The following PDE7A variants were observed in gnomAD, a reference collection of about 807,000 sequenced individuals.
The protein encoded by PDE7A is high affinity 3',5'-cyclic-AMP phosphodiesterase 7A.
In PDE7A, 39 loss-of-function variants were observed where a neutral mutation model predicts 64.3. The observed-to-expected ratio is 0.61, with a 90% CI of 0.47 to 0.79. The LOEUF (loss-of-function observed/expected upper bound fraction) is 0.79. Ranked by LOEUF, PDE7A falls within the 30% of genes least tolerant of loss-of-function variation. The pLI is 0.00. For missense variants in PDE7A, 470 were observed against 582.8 expected (o/e 0.81, Z 1.99); for synonymous variants, 203 against 206.8 (o/e 0.98, Z 0.16).
rs1806125217 is a variant in PDE7A at position 65,716,033 on chromosome 8, G to T, written c.*3257C>A. Reference sequence around the variant, plus strand: ...AAAAAAAAAAAAAAAAAATTAGCTGGGTGGTGTGGTGGCACTCAGGAGGCT... The same window carrying T: ...AAAAAAAAAAAAAAAAAATTAGCTGTGTGGTGTGGTGGCACTCAGGAGGCT... On this transcript the variant is annotated 3_prime_UTR_variant, in exon 13 of 13. Transcript: ENST00000401827. Among the ~76,000 whole-genome samples, 1 of 146,082 alleles carries T rather than the reference G, an allele frequency of 6.8e-6. No homozygotes were observed. Among genetic ancestry groups the T allele is most frequent in the African/African-American group, 2.5e-5 (1 of 40,098 alleles).
At chr8:65,819,941 T>C (rs555881789) in intron 1 of PDE7A, among the ~76,000 whole-genome samples, 127 of 152,154 alleles carry the variant, frequency 8.3e-4, no homozygotes, top group African/African-American at 3.0e-3. Flanking sequence ...TTCCTCCTTC[T>C]CCTCCCCACA....
chr8:65,756,161 A>G (rs1390101205), intron 3 of PDE7A, among the ~76,000 whole-genome samples: 1 of 152,196 alleles, frequency 6.6e-6, no homozygotes, highest in African/African-American at 2.4e-5. Context: ...CTTGTACAAG[A>G]CAAGTTGCTT....
At chr8:65,829,612 C>G (rs1208733261) in intron 1 of PDE7A, among the ~76,000 whole-genome samples, 1 of 152,048 alleles carries the variant, frequency 6.6e-6, no homozygotes, top group Non-Finnish European at 1.5e-5. Flanking sequence ...AAATTTAAAG[C>G]CGTAACTTCT....
At chr8:65,800,057 C>T (rs1235098758) in intron 1 of PDE7A, among the ~76,000 whole-genome samples, 2 of 151,976 alleles carry the variant, frequency 1.3e-5, no homozygotes, top group African/African-American at 4.8e-5. Flanking sequence ...TAGCCTAAAA[C>T]AACAGCCAAA....
At position 65,739,298 on chromosome 8, in the gene PDE7A, A is replaced by C. The variant is rs72666541; in HGVS notation, c.595+204T>G. On this transcript the variant is annotated intron_variant, in intron 6 of 12. Coordinates refer to ENST00000401827, the MANE Select transcript of PDE7A (RefSeq NM_001242318.3). ...CACCTGTTGCTGTCTGCAGGTGCAC[A>C]AATGAGCTCACCCAGACCAGACCAA... 8.2e-4 allele frequency among the ~76,000 whole-genome samples: 125 copies of C among 152,344 alleles called. No individual in the cohort carries two copies. The Middle Eastern group carries it at 0.01, about 12-fold the overall frequency.
At chr8:65,812,986 T>A (rs1290072875) in intron 1 of PDE7A, among the ~76,000 whole-genome samples, 2 of 152,094 alleles carry the variant, frequency 1.3e-5, no homozygotes, top group African/African-American at 4.8e-5. Flanking sequence ...ACCCTCATTA[T>A]CTGGACTGTC....
At chr8:65,744,199 T>C (rs573651409) in intron 5 of PDE7A, among the ~76,000 whole-genome samples, 3 of 151,264 alleles carry the variant, frequency 2.0e-5, no homozygotes, top group African/African-American at 2.4e-5. Flanking sequence ...AAGAGATGCT[T>C]AGTTGTGTTA....
At chr8:65,754,232 G>A (rs1157122426) in intron 3 of PDE7A, among the ~76,000 whole-genome samples, 4 of 151,990 alleles carry the variant, frequency 2.6e-5, no homozygotes, top group Non-Finnish European at 1.5e-5. Context: ...GCTGGCAGCT[G>A]ATTAGATGGT....
rs1402082807 is a variant in PDE7A, at chr8:65,821,892, C to A, written c.138+19479G>T. 2.0e-5 allele frequency among the ~76,000 whole-genome samples: 3 copies of A among 152,134 alleles called. No individual in the cohort carries two copies. In the East Asian group the frequency reaches 5.8e-4, roughly 29 times the overall value. On this transcript the variant is annotated intron_variant, in intron 1 of 12. Coordinates refer to ENST00000401827, the MANE Select transcript of PDE7A (RefSeq NM_001242318.3). ...TTTACTTTTTAAAATATGGCTACAA[C>A]AAAATTTAAAATTACACATGTGGCT...
chr8:65,748,560 C>T (rs1294932523), intron 3 of PDE7A, among the ~76,000 whole-genome samples: 2 of 152,044 alleles, frequency 1.3e-5, no homozygotes, highest in African/African-American at 2.4e-5. Flanking sequence ...AGGGAACATA[C>T]GTTATCTTTA....
At chr8:65,761,391 T>C (rs910225368) in intron 3 of PDE7A, among the ~76,000 whole-genome samples, 1 of 151,592 alleles carries the variant, frequency 6.6e-6, no homozygotes, top group Non-Finnish European at 1.5e-5. Context: ...ATGAGCTCAC[T>C]GTGACATGAG....
chr8:65,789,022 C>T (rs1809633071), intron 1 of PDE7A: 4 of 1,562,140 alleles, frequency 2.6e-6, no homozygotes, highest in Non-Finnish European at 3.5e-6. Flanking sequence ...TGATAAATAC[C>T]AGCTGTCCCG....
chr8:65,736,011 A>G (rs1406633402), intron 6 of PDE7A, among the ~76,000 whole-genome samples: 1 of 152,190 alleles, frequency 6.6e-6, no homozygotes, highest in Non-Finnish European at 1.5e-5. Flanking sequence ...TGGATGCCTG[A>G]AACCACAGAT....
At chr8:65,750,502 GTC>G (rs1380025842) in intron 3 of PDE7A, among the ~76,000 whole-genome samples, 8,077 of 143,536 alleles carry the variant, frequency 0.056, 263 homozygotes, top group African/African-American at 0.095. Context: ...GTGTGTGTGT[GTC>G]TGTGTGTGTC....
chr8:65,743,001 C>A (rs1427279103), intron 5 of PDE7A, among the ~76,000 whole-genome samples: 1 of 152,194 alleles, frequency 6.6e-6, no homozygotes, highest in Non-Finnish European at 1.5e-5. Context: ...GAGCTCACGC[C>A]GCTTTCATCA....
intron 5 of PDE7A, among the ~76,000 whole-genome samples, chr8:65,739,829 G>A (rs761982759): frequency 7.9e-5 from 12 of 152,056 alleles, no homozygotes; most frequent in Non-Finnish European, 1.8e-4. Context: ...CCAAAGAACT[G>A]AAAACTAGAC....
intron 1 of PDE7A, among the ~76,000 whole-genome samples, chr8:65,832,899 C>A (rs1023926954): frequency 2.6e-5 from 4 of 152,170 alleles, no homozygotes; most frequent in Non-Finnish European, 5.9e-5. Context: ...TCTGAGGTAA[C>A]GTCCTTTTCC....
chr8:65,781,136 G>T (rs779811720), intron 2 of PDE7A, among the ~76,000 whole-genome samples: 4 of 152,198 alleles, frequency 2.6e-5, no homozygotes, highest in Admixed American at 6.5e-5. Context: ...GGCGAGAGAG[G>T]AGCAGGGGAG....
intron 7 of PDE7A, among the ~76,000 whole-genome samples, chr8:65,728,839 T>C (rs1806716521): frequency 1.3e-5 from 2 of 152,156 alleles, no homozygotes; most frequent in African/African-American, 4.8e-5. Context: ...TGACTGCACA[T>C]GACATCAAAA....
Sources: gnomAD v4.1 joint callset for allele counts (sites outside exome capture counted in the v4.1 genomes callset) on GRCh38, gnomAD v4.1.1 for gene constraint, MANE v1.5 for transcripts, NCBI Gene and HGNC (gene_info 2026-07-23, HGNC 2026-07-21) for gene names.